The following DACH2 variants were observed in gnomAD, a reference collection of about 807,000 sequenced individuals.
DACH2 encodes dachshund homolog 2.
Under a neutral mutation model 35.8 loss-of-function variants are expected in DACH2, and 17 were observed. The observed-to-expected ratio is 0.48, with a 90% CI of 0.33 to 0.71. DACH2 has a LOEUF of 0.71. Among genes scored for constraint, DACH2 ranks in the 30% least tolerant of loss-of-function variants. The probability of loss-of-function intolerance (pLI) is 0.02; values close to 1 mark genes in which losing one functional copy is unlikely to be tolerated. For missense variants in DACH2, 469 were observed against 472.7 expected, an observed-to-expected ratio of 0.99 and a Z score of 0.07; for synonymous variants, 195 against 177.3, an observed-to-expected ratio of 1.10 and a Z score of -0.79.
chrX:86,495,866 C>T (rs1244683340), intron 2 of DACH2, among the ~76,000 whole-genome samples: 2 of 110,464 alleles, frequency 1.8e-5, no homozygotes, highest in African/African-American at 6.6e-5. Context: ...GCTATTTAAC[C>T]TACCTTTGAT....
chrX:86,573,822 G>A (rs964285704), intron 3 of DACH2, among the ~76,000 whole-genome samples: 4 of 111,304 alleles, frequency 3.6e-5, no homozygotes, highest in African/African-American at 1.3e-4. Flanking sequence ...TTAATACCAT[G>A]TTACCCCTAC....
At position 86,295,373 on chromosome X, in the gene DACH2, C is replaced by T. The variant is rs778321759; in HGVS notation, c.489-81451C>T. ...CTCAGATGGAAATGCAGAAATCACC[C>T]GTCTTCTGCGTCGCTCACGCTGGGA... On this transcript the variant is annotated intron_variant, in intron 1 of 11. Transcript: ENST00000373125. 2.2e-4 allele frequency among the ~76,000 whole-genome samples: 25 copies of T among 112,105 alleles called. No homozygotes were observed. In the South Asian group the frequency reaches 5.6e-3, roughly 25 times the overall value.
chrX:86,441,771 T>C (rs770446317), intron 2 of DACH2, among the ~76,000 whole-genome samples: 3 of 109,061 alleles, frequency 2.8e-5, no homozygotes, highest in Non-Finnish European at 5.7e-5. Context: ...AAAAAGTGTA[T>C]GAGTTCCTCT....
chrX:86,294,429 A>T (rs1326382528), intron 1 of DACH2, among the ~76,000 whole-genome samples: 1 of 110,007 alleles, frequency 9.1e-6, no homozygotes, highest in Admixed American at 9.7e-5. Flanking sequence ...CAGCTTGTCA[A>T]AGTCATTATC....
At chrX:86,780,434 G>C (rs915636729) in intron 7 of DACH2, among the ~76,000 whole-genome samples, 1 of 111,752 alleles carries the variant, frequency 8.9e-6, no homozygotes, top group Non-Finnish European at 1.9e-5. Context: ...AGAATCTAAG[G>C]AATACAATAA....
chrX:86,216,313 C>G, intron 1 of DACH2, among the ~76,000 whole-genome samples: 1 of 111,437 alleles, frequency 9.0e-6, no homozygotes, highest in Non-Finnish European at 1.9e-5. Flanking sequence ...TACCCATCAA[C>G]TCTTCATTTA....
At chrX:86,814,642 C>G (rs746010207) in intron 9 of DACH2, 46 bp from the exon 10 acceptor site, 1 of 1,159,470 alleles carries the variant, frequency 8.6e-7, no homozygotes, top group Non-Finnish European at 1.2e-6. Context: ...AACTGGCATC[C>G]CTATTTCATT....
At chrX:86,288,609 C>A (rs1258107809) in intron 1 of DACH2, among the ~76,000 whole-genome samples, 2 of 112,032 alleles carry the variant, frequency 1.8e-5, no homozygotes, top group Admixed American at 1.9e-4. Flanking sequence ...AAGACAGAGT[C>A]CTTTTCACTC....
chrX:86,782,019 T>C (rs898549380), intron 7 of DACH2, among the ~76,000 whole-genome samples: 2 of 112,017 alleles, frequency 1.8e-5, no homozygotes, highest in African/African-American at 6.5e-5. Context: ...CAAAAAGCAG[T>C]AGCGTTTCTA....
intron 2 of DACH2, among the ~76,000 whole-genome samples, chrX:86,418,125 G>T (rs766388373): frequency 6.2e-5 from 7 of 112,432 alleles, no homozygotes; most frequent in African/African-American, 2.3e-4. Context: ...GTCTTGGACA[G>T]CTCCACCCCT....
chrX:86,497,616 G>T (rs1277522086), intron 2 of DACH2, among the ~76,000 whole-genome samples: 1 of 111,051 alleles, frequency 9.0e-6, no homozygotes, highest in Non-Finnish European at 1.9e-5. Flanking sequence ...GGTTAAAAAG[G>T]TCTTAAGATG....
intron 1 of DACH2, among the ~76,000 whole-genome samples, chrX:86,252,221 C>T (rs1281107547): frequency 9.1e-6 from 1 of 109,736 alleles, no homozygotes; most frequent in South Asian, 3.9e-4. Flanking sequence ...TGTTTGAGTT[C>T]CTTGTAAATT....
At chrX:86,534,646 G>T (rs865984696) in intron 3 of DACH2, among the ~76,000 whole-genome samples, 8 of 111,691 alleles carry the variant, frequency 7.2e-5, no homozygotes, top group Admixed American at 9.5e-5. Flanking sequence ...ATTGCTGAAT[G>T]ACCTAGTATT....
At chrX:86,440,654 T>C (rs1325165841) in intron 2 of DACH2, among the ~76,000 whole-genome samples, 1 of 111,550 alleles carries the variant, frequency 9.0e-6, no homozygotes, top group Non-Finnish European at 1.9e-5. Context: ...TTCATTGTCC[T>C]TGTTCTTTGT....
intron 2 of DACH2, among the ~76,000 whole-genome samples, chrX:86,459,269 T>C (rs897932986): frequency 3.6e-5 from 4 of 111,559 alleles, no homozygotes; most frequent in Admixed American, 9.6e-5. Context: ...GGGACAGATA[T>C]TTATAGAAGC....
At chrX:86,652,392 G>A (rs1438075674) in intron 4 of DACH2, among the ~76,000 whole-genome samples, 1 of 112,122 alleles carries the variant, frequency 8.9e-6, no homozygotes, top group Non-Finnish European at 1.9e-5. Context: ...ATTGTGAATA[G>A]TGCTGCAACG....
At chrX:86,791,720 G>C (rs769727413) in intron 7 of DACH2, among the ~76,000 whole-genome samples, 1 of 111,733 alleles carries the variant, frequency 8.9e-6, no homozygotes, top group East Asian at 2.8e-4. Context: ...AATGTCTACT[G>C]TGTATAAAGC....
intron 7 of DACH2, among the ~76,000 whole-genome samples, chrX:86,791,546 A>G (rs759939278): frequency 6.3e-5 from 7 of 111,482 alleles, no homozygotes; most frequent in Non-Finnish European, 9.4e-5. Flanking sequence ...TCTTTCCTTA[A>G]ATTAAGAATC....
At chrX:86,706,393 TAGTACCCTTAA>T (rs1413409795) in intron 5 of DACH2, among the ~76,000 whole-genome samples, 1 of 111,525 alleles carries the variant, frequency 9.0e-6, no homozygotes, top group Non-Finnish European at 1.9e-5. Flanking sequence ...AAGGTATTTT[TAGTACCCTTAA>T]AGTAGTATAG....
Sources: gnomAD v4.1 joint callset for allele counts (sites outside exome capture counted in the v4.1 genomes callset) on GRCh38, gnomAD v4.1.1 for gene constraint, MANE v1.5 for transcripts, NCBI Gene and HGNC (gene_info 2026-07-23, HGNC 2026-07-21) for gene names.